PKD1L1: variants seen among roughly 807,000 people sequenced by gnomAD.
The protein encoded by PKD1L1 is polycystin 1 like 1, transient receptor potential channel interacting.
PKD1L1 carries 236 observed loss-of-function variants against 323.4 expected under a neutral mutation model. The observed-to-expected ratio is 0.73, with a 90% confidence interval of 0.66 to 0.81. The LOEUF is 0.81. Among genes scored for constraint, PKD1L1 ranks in the 40% least tolerant of loss-of-function variants. The pLI is 0.00. For missense variants in PKD1L1, 3,320 were observed against 3,508.0 expected, an observed-to-expected ratio of 0.95 and a Z score of 1.35; for synonymous variants, 1,344 against 1,335.0, an observed-to-expected ratio of 1.01 and a Z score of -0.15.
chr7:47,893,751 T>C, intron 15 of PKD1L1, 127 bp downstream of exon 15: 1 of 982,384 alleles, frequency 1.0e-6, no homozygotes, highest in South Asian at 1.7e-5. Context: ...AATAAAGCAG[T>C]TAAACTTAAC....
chr7:47,850,709 T>C (rs1785763885), intron 31 of PKD1L1, among the ~76,000 whole-genome samples: 2 of 149,684 alleles, frequency 1.3e-5, no homozygotes, highest in Non-Finnish European at 3.0e-5. Flanking sequence ...TAGCTGTATA[T>C]AAAACGTATA....
chr7:47,799,411 A>T (rs1784613101), intron 54 of PKD1L1, among the ~76,000 whole-genome samples: 1 of 152,206 alleles, frequency 6.6e-6, no homozygotes, highest in Non-Finnish European at 1.5e-5. Context: ...ACTTTTAAGG[A>T]CTGCAGAGAA....
upstream of PKD1L1, chr7:47,948,528 C>A: frequency 2.3e-6 from 3 of 1,323,586 alleles, no homozygotes; most frequent in Non-Finnish European, 3.2e-6. Flanking sequence ...GAGCTTAATG[C>A]TTCCAGCTTC....
chr7:47,880,539 C>G (rs562255705), intron 21 of PKD1L1, among the ~76,000 whole-genome samples, 189 bp downstream of exon 21: 23 of 64,578 alleles, frequency 3.6e-4, no homozygotes, highest in African/African-American at 2.7e-3. Flanking sequence ...GCCTCGGCCT[C>G]CCAAAGTGCT....
At position 47,775,331 on chromosome 7, in the gene PKD1L1, T is replaced by C. The variant is rs6949512; in HGVS notation, c.8527-165A>G. 0.092 allele frequency among the ~76,000 whole-genome samples: 14,000 copies of C among 152,284 alleles called. 843 individuals are homozygous for C. The highest frequency in any genetic ancestry group is 0.2 in the East Asian group (1,037 of 5,180). On this transcript the variant is annotated intron_variant, in intron 56 of 56. Transcript: ENST00000289672. ...AACACTTTGCTCAACAACAGCAGAA[T>C]ACAAATATTTTAAAGTTCAAATGAA... is the stretch of plus-strand genomic sequence containing the variant.
At chr7:47,911,041 T>A (rs779022255) in intron 8 of PKD1L1, among the ~76,000 whole-genome samples, 23 of 152,224 alleles carry the variant, frequency 1.5e-4, no homozygotes, top group South Asian at 1.0e-3. Context: ...ATAGTTCGGA[T>A]GTTTACCTCT....
intron 14 of PKD1L1, among the ~76,000 whole-genome samples, chr7:47,894,474 T>G (rs1396139812): frequency 6.6e-6 from 1 of 152,210 alleles, no homozygotes; most frequent in Non-Finnish European, 1.5e-5. Context: ...CTTTAGGAAA[T>G]GTAAATGAAA....
In PKD1L1 at chr7:47,813,226, G is replaced by A. The variant is rs978600633; in HGVS notation, c.7241C>T (p.Pro2414Leu). The A allele has an allele frequency of 1.2e-5, 19 of 1,614,190 alleles. No homozygotes were observed. The highest frequency in any genetic ancestry group is 1.5e-5 in the Non-Finnish European group (18 of 1,180,034). ...IPTCSPEVGG[P>L]ENPYLIDPEN... The stretch of plus-strand genomic sequence containing the variant: ...TGGGTCTATCAGGTAGGGGTTCTCA[G>A]GGCCTCCAACTTCGGGACTACATGT... Residue 2414 changes from proline to leucine, a missense_variant, in exon 49 of 57, where the codon CCT becomes CTT. Physicochemically the swap from Pro to Leu is moderately conservative, Grantham distance 98. Transcript: ENST00000289672.
At chr7:47,824,328 C>G (rs556709958) in intron 45 of PKD1L1, among the ~76,000 whole-genome samples, 101 of 152,246 alleles carry the variant, frequency 6.6e-4, no homozygotes, top group Non-Finnish European at 1.1e-3. Flanking sequence ...AAATCTGTAC[C>G]TTCTTTCTCT....
chr7:47,796,830 CAAAAAAAAAAA>C (rs71006525), intron 54 of PKD1L1, among the ~76,000 whole-genome samples: 1 of 133,622 alleles, frequency 7.5e-6, no homozygotes, highest in African/African-American at 3.0e-5. Flanking sequence ...TCCTAAATTA[CAAAAAAAAAAA>C]AAAAAAAAAT....
chr7:47,952,949 A>T (rs887053676), upstream of PKD1L1, among the ~76,000 whole-genome samples: 9 of 152,190 alleles, frequency 5.9e-5, no homozygotes. Flanking sequence ...TCATGGCTTG[A>T]TATTTAAATA....
intron 24 of PKD1L1, among the ~76,000 whole-genome samples, chr7:47,870,900 G>C (rs1396611160): frequency 6.7e-6 from 1 of 149,168 alleles, no homozygotes; most frequent in Non-Finnish European, 1.5e-5. Context: ...TTGAGCCTAG[G>C]AGGTCAAGGC....
At chr7:47,906,098 T>G (rs1787200556) in intron 9 of PKD1L1, 136 bp from the exon 10 acceptor site, 6 of 811,832 alleles carry the variant, frequency 7.4e-6, no homozygotes, top group Non-Finnish European at 1.1e-5. Context: ...TCTAAGCATG[T>G]GCTCTGAAAT....
At chr7:47,808,113 C>G in intron 52 of PKD1L1, 134 bp downstream of exon 52, 1 of 1,164,754 alleles carries the variant, frequency 8.6e-7, no homozygotes. Flanking sequence ...TCCCATCTGC[C>G]AGCTCAGAGC....
At chr7:47,872,899 T>C (rs1317388710) in intron 24 of PKD1L1, among the ~76,000 whole-genome samples, 1 of 151,886 alleles carries the variant, frequency 6.6e-6, no homozygotes, top group Non-Finnish European at 1.5e-5. Context: ...AGCCAAAAAG[T>C]GAAAACAACC....
At chr7:47,782,513 G>A (rs1302873334) in intron 56 of PKD1L1, among the ~76,000 whole-genome samples, 1 of 152,180 alleles carries the variant, frequency 6.6e-6, no homozygotes, top group African/African-American at 2.4e-5. Context: ...AGCAAGAGAA[G>A]CCAGGAAGAA....
chr7:47,843,171 T>G lies in PKD1L1; in HGVS notation c.5238-2A>C, dbSNP rs868661273. The G allele has an allele frequency of 2.5e-6, 4 of 1,604,596 alleles. No individual in the cohort carries two copies. The African/African-American group carries it at 5.4e-5, about 22-fold the overall frequency. On this transcript the variant is annotated splice_acceptor_variant, in intron 33 of 56. Coordinates refer to ENST00000289672, the MANE Select transcript of PKD1L1 (RefSeq NM_138295.5). LOFTEE classifies it high-confidence loss of function. ...CTGGGAAGCAAGTTTTCTGGGTGGC[T>G]ATAAACAAAAGGAGAGATATAAAGA...
intron 55 of PKD1L1, among the ~76,000 whole-genome samples, chr7:47,794,524 T>C (rs1787028731): frequency 1.3e-5 from 2 of 152,122 alleles, no homozygotes; most frequent in South Asian, 4.1e-4. Flanking sequence ...AGAAGATGTA[T>C]GGAAATGCCT....
intron 45 of PKD1L1, among the ~76,000 whole-genome samples, chr7:47,822,565 A>G (rs984034860): frequency 3.1e-5 from 4 of 129,502 alleles, no homozygotes; most frequent in African/African-American, 1.1e-4. Context: ...ATTGCGCTCC[A>G]GCCTGGGTGA....
Sources: allele counts gnomAD v4.1 joint callset (sites outside exome capture counted in the v4.1 genomes callset), GRCh38; gene constraint gnomAD v4.1.1; transcripts MANE v1.5; gene names NCBI Gene and HGNC (gene_info 2026-07-23, HGNC 2026-07-21).